The following SCP2 variants were observed in gnomAD, a reference collection of about 807,000 sequenced individuals.
The protein encoded by SCP2 is SCP-2/3-oxoacyl-CoA thiolase.
A neutral mutation model predicts 71.4 loss-of-function variants in SCP2; 48 were observed. The ratio of observed to expected loss-of-function variants is 0.67; its 90% confidence interval spans 0.53 to 0.86. SCP2 has a LOEUF of 0.86. SCP2 is among the 40% of genes least tolerant of loss of function. The probability of loss-of-function intolerance (pLI) is 0.00; values close to 1 mark genes in which losing one functional copy is unlikely to be tolerated. For missense variants in SCP2, 560 were observed against 655.6 expected (o/e 0.85, Z 1.59); for synonymous variants, 220 against 218.1 (o/e 1.01, Z -0.08).
intron 13 of SCP2, among the ~76,000 whole-genome samples, chr1:53,031,205 A>C (rs1662524255): frequency 6.6e-6 from 1 of 152,212 alleles, no homozygotes; most frequent in African/African-American, 2.4e-5. Flanking sequence ...GCAGTATATC[A>C]GTCATTGAAT....
intron 14 of SCP2, among the ~76,000 whole-genome samples, chr1:53,039,896 G>A (rs56943571): frequency 0.038 from 5,717 of 152,236 alleles, 230 homozygotes; most frequent in East Asian, 0.21. Flanking sequence ...AATAGGTATC[G>A]CAAAGCTAAC....
In SCP2 at chr1:52,935,699, A is replaced by G. The variant is rs180939473; in HGVS notation, c.70-6097A>G. 8.3e-4 allele frequency among the ~76,000 whole-genome samples: 126 copies of G among 151,720 alleles called. 1 individual carries two copies. Among genetic ancestry groups the G allele is most frequent in the African/African-American group, 3.0e-3 (124 of 41,346 alleles). On this transcript the variant is annotated intron_variant, in intron 1 of 15. Coordinates refer to ENST00000371514, the MANE Select transcript of SCP2 (RefSeq NM_002979.5). ...ATGCCTGTAATCCCAGCAGTTGGGG[A>G]GGCTGAGGTTGAAGGCTTACTTGAG... is the stretch of plus-strand genomic sequence containing the variant.
intron 11 of SCP2, chr1:52,996,055 C>T: frequency 8.5e-7 from 1 of 1,175,930 alleles, no homozygotes; most frequent in Non-Finnish European, 1.1e-6. Context: ...TCAGGCTTCT[C>T]AGTTCCCTTA....
chr1:52,993,354 A>G (rs1003705713), intron 11 of SCP2: 15 of 1,614,044 alleles, frequency 9.3e-6, no homozygotes, highest in Non-Finnish European at 1.3e-5. Flanking sequence ...GCCTCCATGT[A>G]TGTTACCTTA....
chr1:52,960,261 T>C (rs1656219109), intron 5 of SCP2, among the ~76,000 whole-genome samples: 2 of 152,062 alleles, frequency 1.3e-5, no homozygotes, highest in South Asian at 4.2e-4. Context: ...TCTATTTCAA[T>C]CTGCTCTCAT....
chr1:52,939,214 G>A (rs893511020), intron 1 of SCP2, among the ~76,000 whole-genome samples: 2 of 152,128 alleles, frequency 1.3e-5, no homozygotes, highest in African/African-American at 2.4e-5. Flanking sequence ...CATCTTGATT[G>A]CTTCCAAGTT....
chr1:52,940,415 A>C (rs1327279783), intron 1 of SCP2: 1 of 154,860 alleles, frequency 6.5e-6, no homozygotes, highest in Non-Finnish European at 1.5e-5. Context: ...CTTGTCTCAA[A>C]AAACAAACAA....
chr1:52,984,994 C>T (rs1658862794), intron 10 of SCP2, among the ~76,000 whole-genome samples: 1 of 151,546 alleles, frequency 6.6e-6, no homozygotes, highest in African/African-American at 2.4e-5. Context: ...GGTACACCAC[C>T]ACGCCCGGCT....
chr1:53,021,687 C>T (rs1661754807), intron 12 of SCP2, among the ~76,000 whole-genome samples: 1 of 149,220 alleles, frequency 6.7e-6, no homozygotes, highest in Non-Finnish European at 1.5e-5. Context: ...CCTTGTCACC[C>T]AGGCTGGAGT....
intron 1 of SCP2, among the ~76,000 whole-genome samples, chr1:52,941,070 A>G (rs1654192504): frequency 6.6e-6 from 1 of 152,122 alleles, no homozygotes; most frequent in Non-Finnish European, 1.5e-5. Flanking sequence ...TTTCCACTTT[A>G]TGTTTTAACC....
chr1:52,986,548 C>T (rs1264059979), intron 10 of SCP2, among the ~76,000 whole-genome samples: 1 of 152,154 alleles, frequency 6.6e-6, no homozygotes, highest in Non-Finnish European at 1.5e-5. Flanking sequence ...ATTTTACCAA[C>T]AGAGGAACTT....
rs34392119 is a variant in SCP2, at chr1:53,000,252, C to CAA, written c.1081+12133_1081+12134dup. 6.2e-4 allele frequency among the ~76,000 whole-genome samples: 57 copies of CAA among 92,084 alleles called. 1 individual carries two copies. Among genetic ancestry groups the CAA allele is most frequent in the East Asian group, 1.4e-3 (6 of 4,158 alleles). The allele number at this position is 92,084 out of a possible 152,430, so 60.4% of individuals were successfully genotyped here. On this transcript the variant is annotated intron_variant, in intron 11 of 15. Coordinates refer to ENST00000371514, the MANE Select transcript of SCP2 (RefSeq NM_002979.5). ...AACAAAGCGAGACCCTAGTTTCTAC[C>CAA]AAAAAAAAAAAAAAAAAAGAAAGAA...
intron 12 of SCP2, among the ~76,000 whole-genome samples, chr1:53,015,353 A>C (rs1661262382): frequency 6.6e-6 from 1 of 152,166 alleles, no homozygotes; most frequent in Non-Finnish European, 1.5e-5. Context: ...ATGGCCTTCC[A>C]GGCTTCTGAG....
intron 6 of SCP2, among the ~76,000 whole-genome samples, chr1:52,967,224 C>T (rs535274504): frequency 1.6e-4 from 25 of 151,906 alleles, no homozygotes; most frequent in Non-Finnish European, 3.5e-4. Context: ...TTTTAATGCT[C>T]TGAAACAATT....
chr1:53,027,118 T>G (rs969429081), intron 12 of SCP2, among the ~76,000 whole-genome samples: 3 of 152,002 alleles, frequency 2.0e-5, no homozygotes, highest in African/African-American at 4.8e-5. Flanking sequence ...AATAACTTAT[T>G]TATTTAGAAA....
chr1:52,978,503 G>T (rs748656220), intron 9 of SCP2, 136 bp downstream of exon 9: 1 of 722,568 alleles, frequency 1.4e-6, no homozygotes, highest in Non-Finnish European at 2.3e-6. Context: ...AGTTGACTAT[G>T]CCTAGAACTC....
rs368711770 is a variant in SCP2, at chr1:52,950,628, A to G, written c.200-127A>G. On this transcript the variant is annotated intron_variant, in intron 3 of 15. Transcript: ENST00000371514. ...GGTTAGTGTTAAAACTGTTTCTAAG[A>G]TATTTACTGTCTTGCACATGTTATA... 8.8e-5 allele frequency: 65 copies of G among 736,630 alleles called. 1 individual carries two copies. The highest frequency in any genetic ancestry group is 8.7e-4 in the African/African-American group (50 of 57,244). The allele number at this position is 736,630 out of a possible 1,614,324, so 45.6% of individuals were successfully genotyped here.
At position 53,028,031 on chromosome 1, in the gene SCP2, C is replaced by A; in HGVS notation, c.1298C>A (p.Ala433Glu). 6.2e-7 allele frequency: 1 copy of A among 1,610,344 alleles called. No individual in the cohort carries two copies. The highest frequency in any genetic ancestry group is 8.5e-7 in the Non-Finnish European group (1 of 1,176,728). The part of the protein sequence containing the change: ...PTSSASDGFK[A>E]NLVFKEIEKK... ...AGCTCTGCAAGTGATGGATTTAAGG[C>A]AAATCTTGTTTTTAAGGAGATTGAG... The change falls in exon 13 of 16, where the codon GCA (alanine) becomes GAA (glutamate). Residue 433 changes from alanine to glutamate, a missense_variant. By Grantham distance (107) the Ala-to-Glu change is moderately radical. Transcript: ENST00000371514.
chr1:53,011,026 C>T (rs952978613), intron 11 of SCP2, among the ~76,000 whole-genome samples: 1 of 152,150 alleles, frequency 6.6e-6, no homozygotes, highest in Non-Finnish European at 1.5e-5. Flanking sequence ...ACGTGCGTGA[C>T]AAATTTTATA....
Sources: allele counts gnomAD v4.1 joint callset (sites outside exome capture counted in the v4.1 genomes callset), GRCh38; gene constraint gnomAD v4.1.1; transcripts MANE v1.5; gene names NCBI Gene and HGNC (gene_info 2026-07-23, HGNC 2026-07-21).